GFRAL: variants seen among roughly 807,000 people sequenced by gnomAD.
The protein encoded by GFRAL is GDNF family receptor alpha-like.
GFRAL carries 36 observed loss-of-function variants against 45.4 expected under a neutral mutation model. The ratio of observed to expected loss-of-function variants is 0.79; its 90% CI spans 0.61 to 1.05. The LOEUF (loss-of-function observed/expected upper bound fraction) is 1.05. GFRAL is among the 50% of genes least tolerant of loss of function. The pLI is 0.00. For synonymous variants in GFRAL, 166 were observed against 154.1 expected, an observed-to-expected ratio of 1.08 and a Z score of -0.57; for missense variants, 507 against 467.5, an observed-to-expected ratio of 1.08 and a Z score of -0.78.
intron 1 of GFRAL, among the ~76,000 whole-genome samples, chr6:55,327,919 C>T (rs1461494598): frequency 2.0e-5 from 3 of 151,916 alleles, no homozygotes; most frequent in Non-Finnish European, 4.4e-5. Flanking sequence ...ATAAAACCTT[C>T]CAGTATCTAT....
At chr6:55,344,131 C>T (rs1008696331) in intron 3 of GFRAL, among the ~76,000 whole-genome samples, 17 of 152,158 alleles carry the variant, frequency 1.1e-4, no homozygotes, top group Non-Finnish European at 1.8e-4. Context: ...TGGTACCATT[C>T]CTTCTGAAAC....
At chr6:55,354,574 T>C (rs995306274) in intron 5 of GFRAL, among the ~76,000 whole-genome samples, 9 of 152,124 alleles carry the variant, frequency 5.9e-5, no homozygotes, top group African/African-American at 2.2e-4. Context: ...GATGGAAATG[T>C]TATATAATAT....
chr6:55,331,980 A>G (rs1173441627), intron 2 of GFRAL, 131 bp downstream of exon 2: 3 of 775,150 alleles, frequency 3.9e-6, no homozygotes, highest in African/African-American at 3.6e-5. Flanking sequence ...ACCCCCATCG[A>G]TTCACTTTTA....
chr6:55,361,432 A>T (rs912705782), intron 6 of GFRAL, among the ~76,000 whole-genome samples: 1 of 152,070 alleles, frequency 6.6e-6, no homozygotes, highest in Non-Finnish European at 1.5e-5. Flanking sequence ...ATAATATCTA[A>T]TACATGATTT....
chr6:55,347,335 G>C (rs1338804959), intron 3 of GFRAL, among the ~76,000 whole-genome samples: 1 of 152,112 alleles, frequency 6.6e-6, no homozygotes, highest in Non-Finnish European at 1.5e-5. Context: ...TCTAGAAGTC[G>C]ATCATTGGTG....
intron 6 of GFRAL, among the ~76,000 whole-genome samples, 194 bp downstream of exon 6, chr6:55,359,332 A>G (rs1203068588): frequency 6.6e-6 from 1 of 151,682 alleles, no homozygotes; most frequent in East Asian, 1.9e-4. Flanking sequence ...ACTTGAAAAT[A>G]GTACATTTTA....
intron 6 of GFRAL, among the ~76,000 whole-genome samples, chr6:55,373,279 A>T (rs188066136): frequency 3.0e-3 from 455 of 152,162 alleles, no homozygotes; most frequent in African/African-American, 0.01. Flanking sequence ...TTCTTCCTTG[A>T]CCGTATTTTT....
At chr6:55,360,606 C>A (rs1768260504) in intron 6 of GFRAL, among the ~76,000 whole-genome samples, 1 of 151,890 alleles carries the variant, frequency 6.6e-6, no homozygotes, top group Non-Finnish European at 1.5e-5. Flanking sequence ...TCCACAATTT[C>A]TATAATTAAC....
At chr6:55,371,938 T>C (rs541883240) in intron 6 of GFRAL, among the ~76,000 whole-genome samples, 1 of 152,284 alleles carries the variant, frequency 6.6e-6, no homozygotes, top group African/African-American at 2.4e-5. Context: ...CCTGGGTTTA[T>C]TGTTTCAATT....
chr6:55,377,762 T>C (rs1247531699), intron 6 of GFRAL, among the ~76,000 whole-genome samples: 1 of 152,018 alleles, frequency 6.6e-6, no homozygotes, highest in Non-Finnish European at 1.5e-5. Flanking sequence ...TACCACTCTA[T>C]TATAGATAGA....
At chr6:55,391,027 C>T (rs1487020732) in intron 6 of GFRAL, among the ~76,000 whole-genome samples, 5 of 151,778 alleles carry the variant, frequency 3.3e-5, no homozygotes, top group Admixed American at 1.3e-4. Context: ...TATAATCTAT[C>T]GCAATACCCT....
At chr6:55,389,636 A>T (rs1768723048) in intron 6 of GFRAL, among the ~76,000 whole-genome samples, 2 of 152,140 alleles carry the variant, frequency 1.3e-5, no homozygotes, top group Admixed American at 1.3e-4. Flanking sequence ...GGAAAAACAA[A>T]AGTACAAATT....
chr6:55,329,415 G>C (rs912506632), intron 1 of GFRAL, among the ~76,000 whole-genome samples: 2 of 152,120 alleles, frequency 1.3e-5, no homozygotes, highest in African/African-American at 2.4e-5. Context: ...ATGAAGTTTT[G>C]ATGATATATC....
At chr6:55,368,526 TAG>T (rs1357181842) in intron 6 of GFRAL, among the ~76,000 whole-genome samples, 1 of 152,086 alleles carries the variant, frequency 6.6e-6, no homozygotes, top group Non-Finnish European at 1.5e-5. Flanking sequence ...CTCTGCTTTT[TAG>T]AGTTTCCAGT....
At chr6:55,400,447 ACTTAAAAAGGC>A (rs1768881543) in intron 8 of GFRAL, among the ~76,000 whole-genome samples, 1 of 152,160 alleles carries the variant, frequency 6.6e-6, no homozygotes, top group Non-Finnish European at 1.5e-5. Flanking sequence ...GAGATCTCAG[ACTTAAAAAGGC>A]CTTGACAATT....
At chr6:55,395,175 A>AATATATATATATATATATATATATAT (rs1234650477) in intron 6 of GFRAL, among the ~76,000 whole-genome samples, 9 of 123,486 alleles carry the variant, frequency 7.3e-5, no homozygotes, top group African/African-American at 2.8e-4. Context: ...AAAAAAAAAA[A>AATATATATATATATATATATATATAT]ATATATATAT....
At chr6:55,367,692 C>T (rs1343921976) in intron 6 of GFRAL, among the ~76,000 whole-genome samples, 1 of 149,076 alleles carries the variant, frequency 6.7e-6, no homozygotes, top group Non-Finnish European at 1.5e-5. Context: ...ATTTCTTCTT[C>T]ACTTATGAAG....
At chr6:55,395,746 C>T (rs1768816280) in intron 6 of GFRAL, among the ~76,000 whole-genome samples, 1 of 149,366 alleles carries the variant, frequency 6.7e-6, no homozygotes, top group Admixed American at 6.7e-5. Flanking sequence ...TTTCAGTCCC[C>T]ATGAACTCTC....
At chr6:55,367,282 TC>T (rs1768377985) in intron 6 of GFRAL, among the ~76,000 whole-genome samples, 1 of 135,912 alleles carries the variant, frequency 7.4e-6, no homozygotes, top group South Asian at 2.3e-4. Context: ...TTTTTTGTTT[TC>T]CATTTGCTTG....
Sources: gnomAD v4.1 joint callset for allele counts (sites outside exome capture counted in the v4.1 genomes callset) on GRCh38, gnomAD v4.1.1 for gene constraint, MANE v1.5 for transcripts, NCBI Gene and HGNC (gene_info 2026-07-23, HGNC 2026-07-21) for gene names.